The following NLGN4X variants were observed in gnomAD, a reference collection of about 807,000 sequenced individuals.
The protein encoded by NLGN4X is neuroligin-4, X-linked.
NLGN4X carries 3 observed loss-of-function variants against 40.3 expected under a neutral mutation model. That is an observed-to-expected ratio of 0.07 (90% CI 0.03 to 0.19). The LOEUF is 0.19. Among genes scored for constraint, NLGN4X ranks in the 10% least tolerant of loss-of-function variants. The pLI is 1.00. For missense variants in NLGN4X, 382 were observed against 708.3 expected, an observed-to-expected ratio of 0.54 and a Z score of 5.23; for synonymous variants, 270 against 306.8, an observed-to-expected ratio of 0.88 and a Z score of 1.25.
chrX:6,159,259 G>C (rs754573601), intron 1 of NLGN4X, among the ~76,000 whole-genome samples: 1 of 111,742 alleles, frequency 8.9e-6, no homozygotes, highest in African/African-American at 3.2e-5. Context: ...AGGTAGGAGA[G>C]AGGGAAGCAA....
intron 2 of NLGN4X, among the ~76,000 whole-genome samples, chrX:6,100,703 A>G (rs764898343): frequency 8.9e-6 from 1 of 112,256 alleles, no homozygotes; most frequent in African/African-American, 3.2e-5. Flanking sequence ...AACGGCAGTG[A>G]TAACATTAGA....
chrX:6,212,401 C>G (rs1277529572), intron 1 of NLGN4X, among the ~76,000 whole-genome samples: 2 of 110,886 alleles, frequency 1.8e-5, no homozygotes, highest in African/African-American at 3.3e-5. Flanking sequence ...TATGTTAAAA[C>G]ACATCATAAG....
In NLGN4X at chrX:6,161,670, A is replaced by T. The variant is rs757181224; in HGVS notation, c.-305-9899T>A. Among the ~76,000 whole-genome samples the T allele has an allele frequency of 4.7e-3, 514 of 108,566 alleles. 1 individual carries two copies. The highest frequency in any genetic ancestry group is 7.9e-3 in the Non-Finnish European group (412 of 52,482). 94.3% of individuals were successfully genotyped at this position (108,566 alleles called of 115,157 possible). ...TATATTTAGGAGTTTAATTGCTTTAATATTTTGGTTGGCTATTTGCAGAAA... is the reference window on the plus strand; with the variant it reads ...TATATTTAGGAGTTTAATTGCTTTATTATTTTGGTTGGCTATTTGCAGAAA... On this transcript the variant is annotated intron_variant, in intron 1 of 5. Transcript: ENST00000381095.
At position 6,151,226 on chromosome X, in the gene NLGN4X, G is replaced by C; in HGVS notation, c.241C>G (p.Pro81Ala). The C allele has an allele frequency of 3.3e-6, 4 of 1,210,971 alleles. No homozygotes were observed. Among genetic ancestry groups the C allele is most frequent in the Non-Finnish European group, 4.5e-6 (4 of 894,889 alleles). The change falls in exon 2 of 6, where the codon CCC becomes GCC. Residue 81 changes from proline (P) to alanine (A), a missense_variant. By Grantham distance (27) the Pro-to-Ala change is conservative (BLOSUM62 -1). Coordinates refer to ENST00000381095, the MANE Select transcript of NLGN4X (RefSeq NM_181332.3). ...EQYLGVPYAS[P>A]PTGERRFQPP... ...TGAAACCGCCTCTCTCCAGTGGGGG[G>C]TGAGGCATAGGGGACCCCTAAGTAC...
intron 1 of NLGN4X, among the ~76,000 whole-genome samples, chrX:6,203,066 C>G (rs1923763850): frequency 8.9e-6 from 1 of 112,709 alleles, no homozygotes; most frequent in African/African-American, 3.2e-5. Flanking sequence ...ATCCCTACCT[C>G]TACTATCATG....
intron 3 of NLGN4X, among the ~76,000 whole-genome samples, chrX:5,941,182 T>C (rs1444608796): frequency 9.5e-4 from 20 of 20,999 alleles, no homozygotes; most frequent in African/African-American, 2.4e-3. Context: ...TGCTAGGGGG[T>C]GTGTGTGTGT....
At chrX:6,024,435 C>T (rs2036632341) in intron 3 of NLGN4X, among the ~76,000 whole-genome samples, 2 of 111,003 alleles carry the variant, frequency 1.8e-5, no homozygotes, top group African/African-American at 6.6e-5. Context: ...AGAGCACCTC[C>T]ATCTTGAATA....
chrX:6,085,548 G>A (rs765603506), intron 2 of NLGN4X, among the ~76,000 whole-genome samples: 46 of 111,719 alleles, frequency 4.1e-4, no homozygotes, highest in Non-Finnish European at 5.1e-4. Context: ...TTCAACATCC[G>A]CATTAAGAGA....
chrX:6,218,821 A>C (rs1159168080), intron 1 of NLGN4X, among the ~76,000 whole-genome samples: 1 of 111,511 alleles, frequency 9.0e-6, no homozygotes. Context: ...ACTCATTACA[A>C]AGAACCCTAA....
At chrX:6,033,639 A>G (rs1196656224) in intron 2 of NLGN4X, among the ~76,000 whole-genome samples, 1 of 112,307 alleles carries the variant, frequency 8.9e-6, no homozygotes, top group African/African-American at 3.2e-5. Flanking sequence ...AGAAAATAAA[A>G]ATCGAAGTCA....
At chrX:6,219,584 CTTCCTTCT>C (rs1925471420) in intron 1 of NLGN4X, among the ~76,000 whole-genome samples, 2 of 101,552 alleles carry the variant, frequency 2.0e-5, no homozygotes, top group African/African-American at 7.2e-5. Flanking sequence ...TCCTTCCTTC[CTTCCTTCT>C]TTCCTTCCCT....
intron 1 of NLGN4X, among the ~76,000 whole-genome samples, chrX:6,224,977 C>CATATATAT (rs34139921): frequency 6.1e-4 from 32 of 52,304 alleles, no homozygotes; most frequent in African/African-American, 2.4e-3. Flanking sequence ...TTAAAATGGC[C>CATATATAT]ATATATATAT....
rs188907775 is a variant in NLGN4X at position 5,969,752 on chromosome X, T to C, written c.625+59528A>G. ...ATGTTTATTGCGTCACTATTCGTAATAGCAAAGACTTGGAACCAACCCAAA... is the reference window on the plus strand; with the variant it reads ...ATGTTTATTGCGTCACTATTCGTAACAGCAAAGACTTGGAACCAACCCAAA... On this transcript the variant is annotated intron_variant, in intron 3 of 5. Transcript: ENST00000381095. 1.9e-3 allele frequency among the ~76,000 whole-genome samples: 215 copies of C among 110,287 alleles called. 1 individual carries two copies. The highest frequency in any genetic ancestry group is 3.1e-3 in the Non-Finnish European group (166 of 52,889).
rs534084232 is a variant in NLGN4X, at chrX:6,046,409, T to G, written c.473-16977A>C. Among the ~76,000 whole-genome samples, 13 of 111,572 alleles carry G rather than the reference T, an allele frequency of 1.2e-4. No individual in the cohort carries two copies. The South Asian group carries it at 4.8e-3, about 42-fold the overall frequency. On this transcript the variant is annotated intron_variant, in intron 2 of 5. Transcript: ENST00000381095. ...CCCATCATTACATTATTTATCCCAC[T>G]AGTGATAATTTGAATACAATAAAGT...
At chrX:5,918,729 C>T (rs1255219576) in intron 3 of NLGN4X, among the ~76,000 whole-genome samples, 1 of 111,959 alleles carries the variant, frequency 8.9e-6, no homozygotes, top group East Asian at 2.8e-4. Flanking sequence ...TAGCTACATC[C>T]TAATTCTCAT....
intron 3 of NLGN4X, among the ~76,000 whole-genome samples, chrX:5,981,599 C>T (rs2035390959): frequency 9.2e-6 from 1 of 109,244 alleles, no homozygotes; most frequent in Admixed American, 1.0e-4. Context: ...ATATAAAAGC[C>T]TAATTTGCAT....
intron 3 of NLGN4X, among the ~76,000 whole-genome samples, chrX:5,988,078 T>C (rs2035578494): frequency 9.0e-6 from 1 of 111,702 alleles, no homozygotes; most frequent in Non-Finnish European, 1.9e-5. Context: ...CTGTCTGCTT[T>C]TTTAAAAAGG....
chrX:6,085,156 C>T (rs146354446), intron 2 of NLGN4X, among the ~76,000 whole-genome samples: 18 of 109,306 alleles, frequency 1.6e-4, no homozygotes, highest in African/African-American at 5.0e-4. Context: ...TCAGATCCAG[C>T]GATCTATGTC....
intron 3 of NLGN4X, among the ~76,000 whole-genome samples, chrX:5,985,072 T>C (rs2035495535): frequency 8.9e-6 from 1 of 111,848 alleles, no homozygotes; most frequent in Non-Finnish European, 1.9e-5. Flanking sequence ...GTCATAAACA[T>C]GGAGCTAAAA....
Sources: allele counts gnomAD v4.1 joint callset (sites outside exome capture counted in the v4.1 genomes callset), GRCh38; gene constraint gnomAD v4.1.1; transcripts MANE v1.5; gene names NCBI Gene and HGNC (gene_info 2026-07-23, HGNC 2026-07-21).